NKAIN2: variants seen among roughly 807,000 people sequenced by gnomAD.
NKAIN2 encodes the protein sodium/potassium-transporting ATPase subunit beta-1-interacting protein 2.
NKAIN2 carries 14 observed loss-of-function variants against 32.6 expected under a neutral mutation model. The ratio of observed to expected loss-of-function variants is 0.43; its 90% CI spans 0.28 to 0.67. The LOEUF is 0.67. Ranked by LOEUF, NKAIN2 falls within the 30% of genes least tolerant of loss-of-function variation. The pLI, the probability that NKAIN2 is intolerant of heterozygous loss-of-function variation, is 0.17. For missense variants in NKAIN2, 198 were observed against 258.3 expected (o/e 0.77, Z 1.60); for synonymous variants, 80 against 87.2 (o/e 0.92, Z 0.46).
At chr6:124,788,374 T>C (rs1779597214) in intron 4 of NKAIN2, among the ~76,000 whole-genome samples, 1 of 152,056 alleles carries the variant, frequency 6.6e-6, no homozygotes, top group African/African-American at 2.4e-5. Context: ...GTAGCCCAGG[T>C]AGCAATTAGA....
intron 4 of NKAIN2, among the ~76,000 whole-genome samples, chr6:124,682,391 G>A (rs1405192097): frequency 1.3e-5 from 2 of 152,086 alleles, no homozygotes; most frequent in Admixed American, 1.3e-4. Flanking sequence ...GTATTAATCT[G>A]TTAAAACATT....
chr6:124,706,011 GAGA>G (rs1318294848), intron 4 of NKAIN2, among the ~76,000 whole-genome samples: 1 of 152,020 alleles, frequency 6.6e-6, no homozygotes, highest in Non-Finnish European at 1.5e-5. Context: ...TGACAACAAA[GAGA>G]AGGTTATCAT....
At chr6:124,620,998 A>G (rs1305410388) in intron 3 of NKAIN2, among the ~76,000 whole-genome samples, 1 of 152,106 alleles carries the variant, frequency 6.6e-6, no homozygotes, top group Non-Finnish European at 1.5e-5. Flanking sequence ...ACTCACTACA[A>G]ATCCTGTTTG....
chr6:124,187,550 A>G (rs1232441078), intron 1 of NKAIN2, among the ~76,000 whole-genome samples: 1 of 152,178 alleles, frequency 6.6e-6, no homozygotes, highest in African/African-American at 2.4e-5. Flanking sequence ...GTATTGAAGC[A>G]GAATTTCCGA....
At chr6:124,740,387 G>T (rs906162423) in intron 4 of NKAIN2, among the ~76,000 whole-genome samples, 1 of 150,750 alleles carries the variant, frequency 6.6e-6, no homozygotes, top group African/African-American at 2.4e-5. Context: ...CTTCCCTCAT[G>T]GAGCTCATAT....
chr6:124,450,499 T>C (rs535411573), intron 3 of NKAIN2, among the ~76,000 whole-genome samples: 61 of 152,042 alleles, frequency 4.0e-4, no homozygotes, highest in African/African-American at 1.4e-3. Flanking sequence ...AACACTGCCA[T>C]AATAATACTG....
chr6:124,520,310 G>T (rs1779074642), intron 3 of NKAIN2, among the ~76,000 whole-genome samples: 1 of 152,014 alleles, frequency 6.6e-6, no homozygotes, highest in Non-Finnish European at 1.5e-5. Context: ...CATCATACTT[G>T]ATTTAAATGT....
chr6:124,739,430 A>G (rs1030020979), intron 4 of NKAIN2, among the ~76,000 whole-genome samples: 5 of 151,840 alleles, frequency 3.3e-5, no homozygotes, highest in Non-Finnish European at 1.5e-5. Context: ...CGTGCACACC[A>G]TTCTTCACAA....
intron 1 of NKAIN2, among the ~76,000 whole-genome samples, chr6:124,274,621 C>A (rs1449823627): frequency 2.0e-5 from 3 of 152,010 alleles, no homozygotes; most frequent in Non-Finnish European, 2.9e-5. Context: ...CAATGTGATT[C>A]CCTCATCTGT....
At position 124,183,562 on chromosome 6, in the gene NKAIN2, G is replaced by A. The variant is rs373395292; in HGVS notation, c.55-99443G>A. On this transcript the variant is annotated intron_variant, in intron 1 of 6. Coordinates refer to ENST00000368417, the MANE Select transcript of NKAIN2 (RefSeq NM_001040214.3). ...TATATTTAGTAATGATGGATAATCA[G>A]TAATTTCCATGTTAATGTTTATTGG... 1.8e-4 allele frequency among the ~76,000 whole-genome samples: 27 copies of A among 152,060 alleles called. No homozygotes were observed. In the South Asian group the frequency reaches 5.4e-3, roughly 30 times the overall value.
At chr6:124,602,174 C>T (rs1782331902) in intron 3 of NKAIN2, among the ~76,000 whole-genome samples, 2 of 151,784 alleles carry the variant, frequency 1.3e-5, no homozygotes, top group South Asian at 4.2e-4. Context: ...ATATAGTGGC[C>T]TTAAGGTTTT....
At chr6:124,761,094 T>C (rs1764191675) in intron 4 of NKAIN2, among the ~76,000 whole-genome samples, 1 of 152,228 alleles carries the variant, frequency 6.6e-6, no homozygotes, top group South Asian at 2.1e-4. Context: ...TGTAAGAGTT[T>C]ATTGCCAATT....
chr6:124,637,970 A>T (rs991086756), intron 3 of NKAIN2, among the ~76,000 whole-genome samples: 2 of 152,226 alleles, frequency 1.3e-5, no homozygotes, highest in African/African-American at 4.8e-5. Flanking sequence ...GGGAAAACAA[A>T]CAAACTGAAG....
chr6:124,286,642 T>TTGTGTGTGTGTGTGTG (rs56396833), intron 2 of NKAIN2, among the ~76,000 whole-genome samples: 2 of 144,590 alleles, frequency 1.4e-5, no homozygotes, highest in African/African-American at 2.6e-5. Context: ...GTTTGGAAAA[T>TTGTGTGTGTGTGTGTG]TGTGTGTGTG....
intron 3 of NKAIN2, among the ~76,000 whole-genome samples, chr6:124,380,859 A>G (rs1271135960): frequency 3.9e-5 from 6 of 152,210 alleles, no homozygotes; most frequent in Non-Finnish European, 1.5e-5. Flanking sequence ...AGATACACCA[A>G]TGGATTTCAG....
chr6:124,593,958 A>G (rs1463777756), intron 3 of NKAIN2, among the ~76,000 whole-genome samples: 2 of 152,230 alleles, frequency 1.3e-5, no homozygotes, highest in African/African-American at 4.8e-5. Context: ...TAAAGATTAA[A>G]TGACTTAATA....
At chr6:124,181,890 C>G (rs774653974) in intron 1 of NKAIN2, among the ~76,000 whole-genome samples, 1 of 152,160 alleles carries the variant, frequency 6.6e-6, no homozygotes, top group African/African-American at 2.4e-5. Context: ...CAAACTGTTC[C>G]AACCTCTTCC....
Position 124,598,273 on chromosome 6 carries a change from C to T in NKAIN2, c.274-59913C>T, listed in dbSNP as rs1782171613. ...GTTTAAAATTGTAATTATCATCTTT[C>T]TCTCTCATAAGGGATCAAGAGCATA... On this transcript the variant is annotated intron_variant, in intron 3 of 6. Coordinates refer to ENST00000368417, the MANE Select transcript of NKAIN2 (RefSeq NM_001040214.3). Among the ~76,000 whole-genome samples, 3 of 152,094 alleles carry T rather than the reference C, an allele frequency of 2.0e-5. No homozygotes were observed. The South Asian group carries it at 6.2e-4, about 32-fold the overall frequency.
intron 2 of NKAIN2, among the ~76,000 whole-genome samples, chr6:124,350,831 A>G (rs986511604): frequency 6.6e-6 from 1 of 152,202 alleles, no homozygotes; most frequent in African/African-American, 2.4e-5. Context: ...TACTGTCAAG[A>G]GGCAACTCAT....
Sources: allele counts gnomAD v4.1 joint callset (sites outside exome capture counted in the v4.1 genomes callset), GRCh38; gene constraint gnomAD v4.1.1; transcripts MANE v1.5; gene names NCBI Gene and HGNC (gene_info 2026-07-23, HGNC 2026-07-21).